Variants in ZNF480 observed in about 807,000 individuals in gnomAD.
ZNF480 encodes the protein zinc finger protein 480.
ZNF480 carries 15 observed loss-of-function variants against 14.4 expected under a neutral mutation model. The observed-to-expected ratio is 1.04, with a 90% CI of 0.70 to 1.60. The LOEUF is 1.60. Ranked by LOEUF, ZNF480 falls within the 40% of genes most tolerant of loss-of-function variation. The probability of loss-of-function intolerance (pLI) is 0.00; values close to 1 mark genes in which losing one functional copy is unlikely to be tolerated. For missense variants in ZNF480, 593 were observed against 629.7 expected (o/e 0.94, Z 0.62); for synonymous variants, 218 against 215.5 (o/e 1.01, Z -0.10).
rs112622197 is a variant in ZNF480 at position 52,314,373 on chromosome 19, C to G, written c.199+94C>G. The G allele has an allele frequency of 1.9e-5, 23 of 1,226,950 alleles. 1 individual carries two copies. In the African/African-American group the frequency reaches 2.8e-4, roughly 15 times the overall value. 76.0% of individuals were successfully genotyped at this position (1,226,950 alleles called of 1,614,324 possible). A position where few individuals can be genotyped will look rare whatever the true frequency, so the allele number is the denominator to read the frequency against. ...TCCTGGGAGCCCCTGCATTGTTTGA[C>G]TGACATTAAGCAGGAGAATCACTTG... On this transcript the variant is annotated intron_variant, in intron 3 of 4. Transcript: ENST00000595962.
Position 52,322,538 on chromosome 19 carries a change from AATGAATGTGGTAAAGC to A in ZNF480, c.1291_1306del (p.Glu431LeufsTer12). On this transcript the variant is annotated frameshift_variant, in exon 5 of 5. Transcript: ENST00000595962. LOFTEE classifies it low-confidence loss of function (END_TRUNC). The stretch of plus-strand genomic sequence containing the variant: ...TACTGGAGAGAAGCCTTACAAATGT[AATGAATGTGGTAAAGC>A]ATTTAGTGAGTATTCAGGCCTTTCA... 2 of 1,614,152 alleles carry A rather than the reference AATGAATGTGGTAAAGC, an allele frequency of 1.2e-6. No homozygotes were observed. Among genetic ancestry groups the A allele is most frequent in the Non-Finnish European group, 1.7e-6 (2 of 1,180,010 alleles).
intron 1 of ZNF480, 129 bp from the exon 2 acceptor site, chr19:52,300,265 T>C: frequency 1.0e-6 from 1 of 972,422 alleles, no homozygotes; most frequent in South Asian, 1.7e-5. Flanking sequence ...TGTCTCTGCA[T>C]CAACTCTGGT....
chr19:52,324,164 T>C lies in ZNF480; in HGVS notation c.*1306T>C, dbSNP rs1983984038. 6.6e-6 allele frequency: 1 copy of C among 152,026 alleles called. No homozygotes were observed. The highest frequency in any genetic ancestry group is 1.5e-5 in the Non-Finnish European group (1 of 67,974). 9.4% of individuals were successfully genotyped at this position (152,026 alleles called of 1,614,324 possible). On this transcript the variant is annotated 3_prime_UTR_variant, in exon 5 of 5. Coordinates refer to ENST00000595962, the MANE Select transcript of ZNF480 (RefSeq NM_144684.4). ...CTATACACCAGTAATGTCCAAGCTA[T>C]GAACCAAATCAAGAATGGAATCCCA...
intron 2 of ZNF480, among the ~76,000 whole-genome samples, chr19:52,310,277 G>A (rs537517582): frequency 8.4e-4 from 128 of 152,040 alleles, no homozygotes; most frequent in Middle Eastern, 3.4e-3. Context: ...GGCTGGTCTC[G>A]AACTCCTGAC....
intron 2 of ZNF480, chr19:52,300,970 T>C: frequency 5.9e-6 from 1 of 169,478 alleles, no homozygotes; most frequent in East Asian, 1.6e-4. Context: ...AGGCCAGGTG[T>C]TCCTTGTCCT....
At position 52,323,917 on chromosome 19, in the gene ZNF480, C is replaced by G. The variant is rs1407506674; in HGVS notation, c.*1059C>G. ...GACAGGGATGACCACTCTCACCACT[C>G]CGATTCAACATAGTACTGGAAGTCC... On this transcript the variant is annotated 3_prime_UTR_variant, in exon 5 of 5. Coordinates refer to ENST00000595962, the MANE Select transcript of ZNF480 (RefSeq NM_144684.4). 1 of 152,110 alleles carries G rather than the reference C, an allele frequency of 6.6e-6. No homozygotes were observed. 9.4% of individuals were successfully genotyped at this position (152,110 alleles called of 1,614,324 possible). A position where few individuals can be genotyped will look rare whatever the true frequency, so the allele number is the denominator to read the frequency against.
chr19:52,320,701 A>C (rs974432120), intron 4 of ZNF480, among the ~76,000 whole-genome samples: 1 of 152,206 alleles, frequency 6.6e-6, no homozygotes. Context: ...CTGAGGCAGG[A>C]TAATTGCTTG....
intron 2 of ZNF480, 149 bp from the exon 3 acceptor site, chr19:52,314,004 C>T (rs762698162): frequency 1.1e-6 from 1 of 871,396 alleles, no homozygotes; most frequent in African/African-American, 1.8e-5. Flanking sequence ...AACACATTTA[C>T]AGACACATAA....
intron 2 of ZNF480, among the ~76,000 whole-genome samples, chr19:52,312,697 G>A (rs923652778): frequency 3.9e-5 from 6 of 152,252 alleles, no homozygotes; most frequent in East Asian, 3.9e-4. Context: ...GACAGGGACA[G>A]GTCTTTCTTT....
At position 52,325,052 on chromosome 19, in the gene ZNF480, TCAAA is replaced by T. The variant is rs994922972; in HGVS notation, c.*2199_*2202del. 4 of 151,958 alleles carry T rather than the reference TCAAA, an allele frequency of 2.6e-5. No individual in the cohort carries two copies. Among genetic ancestry groups the T allele is most frequent in the East Asian group, 1.9e-4 (1 of 5,178 alleles). 9.4% of individuals were successfully genotyped at this position (151,958 alleles called of 1,614,324 possible). A position where few individuals can be genotyped will look rare whatever the true frequency, so the allele number is the denominator to read the frequency against. ...ATCTAATCCAGAATCTATAAAGAAC[TCAAA>T]CAAATCAACAATGAGAAAAACAACC... is the stretch of plus-strand genomic sequence containing the variant. On this transcript the variant is annotated 3_prime_UTR_variant, in exon 5 of 5. Transcript: ENST00000595962.
rs1188362978 is a variant in ZNF480 at position 52,322,693 on chromosome 19, A to G, written c.1443A>G (p.Arg481=). ...ATCAGAGAATCCATACTGGAGAAAGACCTTACAAATGTAATGAATGTGGCA... is the reference window on the plus strand; with the variant it reads ...ATCAGAGAATCCATACTGGAGAAAGGCCTTACAAATGTAATGAATGTGGCA... ...TNHQRIHTGE[R]PYKCNECGKV... Residue 481 remains arginine (R), a synonymous_variant, in exon 5 of 5, where the codon AGA becomes AGG. Coordinates refer to ENST00000595962, the MANE Select transcript of ZNF480 (RefSeq NM_144684.4). 6.2e-7 allele frequency: 1 copy of G among 1,613,292 alleles called. No homozygotes were observed. Among genetic ancestry groups the G allele is most frequent in the African/African-American group, 1.3e-5 (1 of 74,776 alleles).
intron 1 of ZNF480, among the ~76,000 whole-genome samples, chr19:52,299,113 C>T (rs1362238805): frequency 6.6e-6 from 1 of 152,172 alleles, no homozygotes; most frequent in Non-Finnish European, 1.5e-5. Flanking sequence ...ATTCCCTATT[C>T]AGGCACAGGT....
At chr19:52,313,732 G>A in intron 2 of ZNF480, 1 of 378,628 alleles carries the variant, frequency 2.6e-6, no homozygotes, top group South Asian at 1.9e-5. Flanking sequence ...GCTCACACCT[G>A]TAATCCCAGC....
chr19:52,300,715 G>A (rs1982650636), intron 2 of ZNF480: 1 of 683,244 alleles, frequency 1.5e-6, no homozygotes, highest in South Asian at 2.0e-5. Context: ...GGGATCAGGG[G>A]CCAACAGCCT....
intron 1 of ZNF480, among the ~76,000 whole-genome samples, chr19:52,298,240 G>A (rs1982507429): frequency 1.3e-5 from 2 of 152,096 alleles, no homozygotes; most frequent in South Asian, 4.1e-4. Context: ...ACCACAGCAG[G>A]TGGAGGCCTG....
chr19:52,303,251 AC>A (rs1350380229), intron 2 of ZNF480, among the ~76,000 whole-genome samples: 3 of 152,198 alleles, frequency 2.0e-5, no homozygotes, highest in Non-Finnish European at 4.4e-5. Flanking sequence ...CATTTTCAGC[AC>A]TTTTAATTGG....
rs748325436 is a variant in ZNF480 at position 52,321,656 on chromosome 19, C to G, written c.406C>G (p.Leu136Val). The G allele has an allele frequency of 1.2e-6, 2 of 1,613,480 alleles. No individual in the cohort carries two copies. The highest frequency in any genetic ancestry group is 2.7e-5 in the African/African-American group (2 of 74,898). ...ACTTGGAGTATCCTTTCACTTACATCTGTCTGAACTGGAGCTATTTCCAGA... is the reference window on the plus strand; with the variant it reads ...ACTTGGAGTATCCTTTCACTTACATGTGTCTGAACTGGAGCTATTTCCAGA... ...KQLGVSFHLH[L>V]SELELFPDER... Residue 136 changes from leucine to valine, a missense_variant, in exon 5 of 5, where the codon CTG becomes GTG. Physicochemically the swap from Leu to Val is conservative, Grantham distance 32. Transcript: ENST00000595962.
chr19:52,298,989 T>C (rs115269067), intron 1 of ZNF480, among the ~76,000 whole-genome samples: 1,712 of 152,244 alleles, frequency 0.011, 38 homozygotes, highest in African/African-American at 0.04. Flanking sequence ...TATTTATAAT[T>C]TGATAATATG....
At chr19:52,315,023 C>T (rs192764501) in intron 3 of ZNF480, among the ~76,000 whole-genome samples, 16 of 152,182 alleles carry the variant, frequency 1.1e-4, no homozygotes, top group Admixed American at 3.9e-4. Flanking sequence ...CTGGAGGGCA[C>T]GTGATCTTGG....
Sources: allele counts gnomAD v4.1 joint callset (sites outside exome capture counted in the v4.1 genomes callset), GRCh38; gene constraint gnomAD v4.1.1; transcripts MANE v1.5; gene names NCBI Gene and HGNC (gene_info 2026-07-23, HGNC 2026-07-21).